The following RTN1 variants were observed in gnomAD, a reference collection of about 807,000 sequenced individuals.
RTN1 encodes the protein reticulon-1.
A neutral mutation model predicts 65.5 loss-of-function variants in RTN1; 25 were observed. That is an observed-to-expected ratio of 0.38 (90% confidence interval 0.28 to 0.53). The LOEUF is 0.53. RTN1 is among the 20% of genes least tolerant of loss of function. The pLI is 0.79. For missense variants in RTN1, 983 were observed against 1,025.4 expected, an observed-to-expected ratio of 0.96 and a Z score of 0.57; for synonymous variants, 471 against 447.6, an observed-to-expected ratio of 1.05 and a Z score of -0.66.
At chr14:59,827,359 T>C (rs563708914) in intron 1 of RTN1, among the ~76,000 whole-genome samples, 14 of 152,210 alleles carry the variant, frequency 9.2e-5, no homozygotes, top group Admixed American at 4.6e-4. Context: ...ATTACAGGAG[T>C]GAGCCACCGC....
chr14:59,839,135 A>G (rs565223519), intron 1 of RTN1, among the ~76,000 whole-genome samples: 2 of 152,332 alleles, frequency 1.3e-5, no homozygotes, highest in South Asian at 4.1e-4. Context: ...CAAATGATCA[A>G]TAGAATTAGA....
chr14:59,819,412 C>CA lies in RTN1; in HGVS notation c.241+50977_241+50978insT, dbSNP rs1566737461. Among the ~76,000 whole-genome samples the CA allele has an allele frequency of 9.0e-4, 12 of 13,388 alleles. No individual in the cohort carries two copies. In the East Asian group the frequency reaches 9.7e-3, roughly 11 times the overall value. 8.8% of individuals were successfully genotyped at this position (13,388 alleles called of 152,430 possible). A position where few individuals can be genotyped will look rare whatever the true frequency, so the allele number is the denominator to read the frequency against. On this transcript the variant is annotated intron_variant, in intron 1 of 8. Transcript: ENST00000267484. ...GCTGATTGGTGCATCCACACCACCA[C>CA]CACCCCCCCCCCACCCCCCACCCCC...
intron 3 of RTN1, chr14:59,630,734 G>GT: frequency 1.8e-6 from 2 of 1,105,314 alleles, no homozygotes; most frequent in Non-Finnish European, 2.2e-6. Flanking sequence ...CTGCGCGCAT[G>GT]GGGATGCGGG....
In RTN1 at chr14:59,830,148, T is replaced by A. The variant is rs141867294; in HGVS notation, c.241+40242A>T. ...TCTGCCCACCAGCAGCACCCTGCTG[T>A]TACAATTCCTTCCTGGAGGCATTAC... On this transcript the variant is annotated intron_variant, in intron 1 of 8. Transcript: ENST00000267484. 2.4e-3 allele frequency among the ~76,000 whole-genome samples: 364 copies of A among 152,316 alleles called. 2 individuals carry two copies. The highest frequency in any genetic ancestry group is 8.2e-3 in the African/African-American group (339 of 41,558).
At chr14:59,599,463 T>A (rs1474026800) in intron 8 of RTN1, among the ~76,000 whole-genome samples, 1 of 152,186 alleles carries the variant, frequency 6.6e-6, no homozygotes, top group Non-Finnish European at 1.5e-5. Flanking sequence ...AGTAATGGGA[T>A]CAAAGGCAGA....
intron 1 of RTN1, among the ~76,000 whole-genome samples, chr14:59,857,171 G>A (rs950262072): frequency 1.3e-5 from 2 of 152,102 alleles, no homozygotes; most frequent in African/African-American, 4.8e-5. Context: ...TAGAATCTGA[G>A]GCTCAGGGAG....
rs1887460809 is a variant in RTN1 at position 59,849,127 on chromosome 14, G to T, written c.241+21263C>A. On this transcript the variant is annotated intron_variant, in intron 1 of 8. Coordinates refer to ENST00000267484, the MANE Select transcript of RTN1 (RefSeq NM_021136.3). This position sits in a 1 kb window ranked among gnomAD's most constrained non-coding sequence, Gnocchi z 4.5. Reference sequence around the variant, plus strand: ...AACAATAGAATTATGCAAATTAGTTGTCACCCCTACTTAGATTAACCAAAT... The same window carrying T: ...AACAATAGAATTATGCAAATTAGTTTTCACCCCTACTTAGATTAACCAAAT... 1.3e-5 allele frequency among the ~76,000 whole-genome samples: 2 copies of T among 152,108 alleles called. No individual in the cohort carries two copies. The highest frequency in any genetic ancestry group is 4.8e-5 in the African/African-American group (2 of 41,422).
chr14:59,784,108 AT>A (rs1286560085), intron 1 of RTN1, among the ~76,000 whole-genome samples: 2 of 152,054 alleles, frequency 1.3e-5, no homozygotes, highest in African/African-American at 4.8e-5. Flanking sequence ...CTCATTATAT[AT>A]TTTTATTGTT....
chr14:59,869,599 G>A (rs28621725), intron 1 of RTN1, among the ~76,000 whole-genome samples: 1 of 142,250 alleles, frequency 7.0e-6, no homozygotes, highest in African/African-American at 2.6e-5. Context: ...GGGGCGCTTA[G>A]ACTGCTGGTA....
In RTN1 at chr14:59,829,342, G is replaced by A. The variant is rs936256543; in HGVS notation, c.241+41048C>T. ...ATCAAAATGTGATGGGTGTTTGGAG[G>A]AGTTTCATGCCCCTGTAATTAAGGT... On this transcript the variant is annotated intron_variant, in intron 1 of 8. Transcript: ENST00000267484. This position sits in a 1 kb window ranked among gnomAD's most constrained non-coding sequence, Gnocchi z 4.3. Among the ~76,000 whole-genome samples the A allele has an allele frequency of 6.6e-6, 1 of 152,056 alleles. No homozygotes were observed. Among genetic ancestry groups the A allele is most frequent in the African/African-American group, 2.4e-5 (1 of 41,386 alleles).
At chr14:59,704,787 G>A (rs914447128) in intron 3 of RTN1, among the ~76,000 whole-genome samples, 4 of 152,062 alleles carry the variant, frequency 2.6e-5, no homozygotes, top group African/African-American at 4.8e-5. Context: ...GCTGATTCCC[G>A]GACACTGTGA....
At chr14:59,860,108 T>C (rs1409815921) in intron 1 of RTN1, among the ~76,000 whole-genome samples, 1 of 152,174 alleles carries the variant, frequency 6.6e-6, no homozygotes, top group African/African-American at 2.4e-5. Context: ...AAGGGGAAAA[T>C]GTCTCCAGGG....
Position 59,727,183 on chromosome 14 carries a change from C to T in RTN1, c.1501G>A (p.Glu501Lys). The T allele has an allele frequency of 6.3e-7, 1 of 1,587,998 alleles. No individual in the cohort carries two copies. Among genetic ancestry groups the T allele is most frequent in the Non-Finnish European group, 8.6e-7 (1 of 1,167,156 alleles). ...KPSALDAIRE[E>K]TGVRAEERAP... Reference sequence around the variant, plus strand: ...CGCTCCTCGGCCCGGACGCCAGTCTCCTCCCGGATGGCATCCAGGGCGCTG... The same window carrying T: ...CGCTCCTCGGCCCGGACGCCAGTCTTCTCCCGGATGGCATCCAGGGCGCTG... Residue 501 changes from glutamate (E) to lysine (K), a missense_variant, in exon 3 of 9, where the codon GAG becomes AAG. By Grantham distance (56) the Glu-to-Lys change is moderately conservative. Coordinates refer to ENST00000267484, the MANE Select transcript of RTN1 (RefSeq NM_021136.3). The surrounding 1 kb of genome is among the most constrained non-coding windows in gnomAD (Gnocchi z 4.2).
At chr14:59,832,196 C>T (rs1459823470) in intron 1 of RTN1, among the ~76,000 whole-genome samples, 1 of 152,080 alleles carries the variant, frequency 6.6e-6, no homozygotes, top group East Asian at 1.9e-4. Context: ...GATCCTTGTA[C>T]CTGTGGGAAT....
chr14:59,630,379 A>G, intron 3 of RTN1: 1 of 1,603,814 alleles, frequency 6.2e-7, no homozygotes, highest in Non-Finnish European at 8.5e-7. Flanking sequence ...ATGATGCACA[A>G]TGGACGAGTC....
chr14:59,778,213 A>G (rs965247843), intron 1 of RTN1, among the ~76,000 whole-genome samples: 2 of 152,068 alleles, frequency 1.3e-5, no homozygotes, highest in African/African-American at 4.8e-5. Context: ...GCTTTCAATC[A>G]CAGTTGTAAT....
chr14:59,723,442 TAA>T (rs1190680372), intron 3 of RTN1, among the ~76,000 whole-genome samples: 14 of 139,988 alleles, frequency 1.0e-4, no homozygotes, highest in African/African-American at 7.8e-5. Flanking sequence ...CCATCTCCAC[TAA>T]AAAAAAAAAA....
chr14:59,610,690 C>A (rs780732702), intron 3 of RTN1, among the ~76,000 whole-genome samples: 61 of 152,174 alleles, frequency 4.0e-4, no homozygotes, highest in Admixed American at 2.6e-3. Flanking sequence ...TGCCCTTTCC[C>A]AAAGCACACC....
intron 1 of RTN1, among the ~76,000 whole-genome samples, chr14:59,840,642 A>T (rs1887294044): frequency 6.6e-6 from 1 of 152,196 alleles, no homozygotes; most frequent in African/African-American, 2.4e-5. Context: ...ATAATTCCAA[A>T]ACTAAAATAT....
Sources: allele counts gnomAD v4.1 joint callset (sites outside exome capture counted in the v4.1 genomes callset), GRCh38; gene constraint gnomAD v4.1.1; non-coding constraint Gnocchi (gnomAD v3.1); transcripts MANE v1.5; gene names NCBI Gene and HGNC (gene_info 2026-07-23, HGNC 2026-07-21).